AGAP1: variants seen among roughly 807,000 people sequenced by gnomAD.
AGAP1 encodes the protein ArfGAP with GTPase domain, ankyrin repeat and PH domain 1.
AGAP1 carries 29 observed loss-of-function variants against 105.3 expected under a neutral mutation model. The ratio of observed to expected loss-of-function variants is 0.28; its 90% CI spans 0.21 to 0.38. The LOEUF is 0.38. Ranked by LOEUF, AGAP1 falls within the 10% of genes least tolerant of loss-of-function variation. AGAP1 has a pLI of 1.00. For synonymous variants in AGAP1, 509 were observed against 485.9 expected, an observed-to-expected ratio of 1.05 and a Z score of -0.63; for missense variants, 998 against 1,165.1, an observed-to-expected ratio of 0.86 and a Z score of 2.09.
At chr2:235,587,946 G>A (rs961878009) in intron 1 of AGAP1, among the ~76,000 whole-genome samples, 2 of 151,022 alleles carry the variant, frequency 1.3e-5, no homozygotes, top group African/African-American at 2.4e-5. Context: ...ATGCTCATTT[G>A]TGGCCGGGTG....
At chr2:235,978,987 A>G (rs2054974886) in intron 13 of AGAP1, among the ~76,000 whole-genome samples, 1 of 152,092 alleles carries the variant, frequency 6.6e-6, no homozygotes, top group Non-Finnish European at 1.5e-5. Flanking sequence ...GGGCTCTGTT[A>G]TAAGGGGACA....
chr2:235,821,382 A>AT (rs200107062), intron 9 of AGAP1, among the ~76,000 whole-genome samples: 31,929 of 133,784 alleles, frequency 0.24, 4,632 homozygotes, highest in Admixed American at 0.38. Flanking sequence ...CAGAACTTCA[A>AT]TTTTTTTTTT....
intron 3 of AGAP1, among the ~76,000 whole-genome samples, chr2:235,718,546 T>C (rs1311211025): frequency 2.0e-5 from 3 of 152,212 alleles, no homozygotes; most frequent in Non-Finnish European, 2.9e-5. Context: ...CATTCCACCC[T>C]GTTTTGTCCC....
rs1947326050 is a variant in AGAP1 at position 235,644,969 on chromosome 2, C to T, written c.164-64210C>T. Among the ~76,000 whole-genome samples, 4 of 151,686 alleles carry T rather than the reference C, an allele frequency of 2.6e-5. No individual in the cohort carries two copies. In the South Asian group the frequency reaches 8.3e-4, roughly 32 times the overall value. On this transcript the variant is annotated intron_variant, in intron 1 of 17. Transcript: ENST00000304032. Reference sequence around the variant, plus strand: ...GGAGTGCAATGGCGCGATCTGGGCTCACTGCAACCTCCGCCTCCCAGGTTC... The same window carrying T: ...GGAGTGCAATGGCGCGATCTGGGCTTACTGCAACCTCCGCCTCCCAGGTTC...
chr2:235,708,822 C>T (rs10211205), intron 1 of AGAP1, among the ~76,000 whole-genome samples: 36,729 of 152,116 alleles, frequency 0.24, 5,309 homozygotes, highest in East Asian at 0.42. Flanking sequence ...GGTGTGTCCT[C>T]AAATATCTCC....
chr2:235,966,450 A>G (rs1227148004), intron 12 of AGAP1, among the ~76,000 whole-genome samples: 3 of 152,072 alleles, frequency 2.0e-5, no homozygotes, highest in Admixed American at 6.5e-5. Context: ...TCTGCCATTG[A>G]TGTTACCTCT....
chr2:235,645,302 G>A (rs1178251780), intron 1 of AGAP1, among the ~76,000 whole-genome samples: 2 of 152,150 alleles, frequency 1.3e-5, no homozygotes, highest in Admixed American at 6.5e-5. Context: ...ATGAAGAGGT[G>A]GGCTCACATA....
rs1205869501 is a variant in AGAP1, at chr2:235,635,977, G to A, written c.164-73202G>A. Among the ~76,000 whole-genome samples, 1 of 151,980 alleles carries A rather than the reference G, an allele frequency of 6.6e-6. No individual in the cohort carries two copies. The highest frequency in any genetic ancestry group is 6.6e-5 in the Admixed American group (1 of 15,246). On this transcript the variant is annotated intron_variant, in intron 1 of 17. Transcript: ENST00000304032. The surrounding 1 kb of genome is among the most constrained non-coding windows in gnomAD (Gnocchi z 5.3). ...AAACTACAAAAATGAGCTGGGCATG[G>A]GGGTGCATGCCTGTAATCCCAGCTA... is the stretch of plus-strand genomic sequence containing the variant.
Position 236,085,315 on chromosome 2 carries a change from TAG to T in AGAP1, c.2115-34875_2115-34874del, listed in dbSNP as rs562780451. ...AGAAGGGGTGGTAGGGGGGCAGTGT[TAG>T]ATTCTTTCTGGAGCACTAGGGTGCA... On this transcript the variant is annotated intron_variant, in intron 16 of 17. Transcript: ENST00000304032. Among the ~76,000 whole-genome samples, 772 of 152,222 alleles carry T rather than the reference TAG, an allele frequency of 5.1e-3. 6 individuals carry two copies. Among genetic ancestry groups the T allele is most frequent in the African/African-American group, 0.018 (731 of 41,538 alleles).
At chr2:236,112,251 A>G (rs1347655818) in intron 16 of AGAP1, among the ~76,000 whole-genome samples, 2 of 152,106 alleles carry the variant, frequency 1.3e-5, no homozygotes, top group African/African-American at 4.8e-5. Context: ...GCCCATCTCT[A>G]CTAAAAATAC....
Position 236,124,211 on chromosome 2 carries a change from C to T in AGAP1, c.*89C>T, listed in dbSNP as rs192198970. On this transcript the variant is annotated 3_prime_UTR_variant, in exon 18 of 18. Transcript: ENST00000304032. The surrounding 1 kb of genome is among the most constrained non-coding windows in gnomAD (Gnocchi z 5.1). ...AGAAGTCGCAGCACGTGAGTCCCGT[C>T]GCATCCCCTCCCTCTTCCTGGTGGC... 3.6e-6 allele frequency: 5 copies of T among 1,392,368 alleles called. No individual in the cohort carries two copies. The highest frequency in any genetic ancestry group is 2.9e-5 in the African/African-American group (2 of 70,040). 86.3% of individuals were successfully genotyped at this position (1,392,368 alleles called of 1,614,324 possible). A position where few individuals can be genotyped will look rare whatever the true frequency, so the allele number is the denominator to read the frequency against.
rs1338948515 is a variant in AGAP1 at position 236,073,978 on chromosome 2, G to A, written c.2114+24697G>A. Among the ~76,000 whole-genome samples the A allele has an allele frequency of 2.6e-5, 4 of 152,178 alleles. No homozygotes were observed. The highest frequency in any genetic ancestry group is 1.5e-5 in the Non-Finnish European group (1 of 68,020). On this transcript the variant is annotated intron_variant, in intron 16 of 17. Coordinates refer to ENST00000304032, the MANE Select transcript of AGAP1 (RefSeq NM_001037131.3). This position sits in a 1 kb window ranked among gnomAD's most constrained non-coding sequence, Gnocchi z 5.4. ...TGCCAAGGTCTCCTCCAGGAGCACA[G>A]GTTCTCACCTGGGGCTGATCTGCCC...
chr2:235,721,618 T>C lies in AGAP1; in HGVS notation c.310+3974T>C, dbSNP rs969740994. On this transcript the variant is annotated intron_variant, in intron 3 of 17. Coordinates refer to ENST00000304032, the MANE Select transcript of AGAP1 (RefSeq NM_001037131.3). The surrounding 1 kb of genome is among the most constrained non-coding windows in gnomAD (Gnocchi z 4.5). ...TGTATTCTCATAGTTCTCAGAAGTC[T>C]GAAATCAAGGTGTTGACGGGGTTGG... is the stretch of plus-strand genomic sequence containing the variant. 1.8e-4 allele frequency among the ~76,000 whole-genome samples: 27 copies of C among 152,214 alleles called. No homozygotes were observed. Among genetic ancestry groups the C allele is most frequent in the African/African-American group, 6.0e-4 (25 of 41,446 alleles).
rs1419060030 is a variant in AGAP1 at position 235,983,491 on chromosome 2, C to T, written c.1645+14868C>T. ...TTTTTCTTCTTTTCCCATCCATAAC[C>T]TCATCATTGTCTTTTTCTCCCTTTC... On this transcript the variant is annotated intron_variant, in intron 13 of 17. Transcript: ENST00000304032. This position sits in a 1 kb window ranked among gnomAD's most constrained non-coding sequence, Gnocchi z 4.5. 6.6e-6 allele frequency among the ~76,000 whole-genome samples: 1 copy of T among 152,070 alleles called. No individual in the cohort carries two copies. The highest frequency in any genetic ancestry group is 1.5e-5 in the Non-Finnish European group (1 of 68,030).
intron 1 of AGAP1, among the ~76,000 whole-genome samples, chr2:235,589,071 C>T (rs1001315395): frequency 4.6e-5 from 7 of 152,090 alleles, no homozygotes; most frequent in African/African-American, 1.7e-4. Context: ...CTCTGGGAGG[C>T]CCTGAAATGC....
At chr2:235,539,073 A>G (rs1385055845) in intron 1 of AGAP1, among the ~76,000 whole-genome samples, 1 of 152,182 alleles carries the variant, frequency 6.6e-6, no homozygotes, top group Non-Finnish European at 1.5e-5. Flanking sequence ...AGGGTGAGAA[A>G]GAGAACCCGT....
intron 5 of AGAP1, among the ~76,000 whole-genome samples, chr2:235,745,632 A>G (rs1952868412): frequency 6.6e-6 from 1 of 152,254 alleles, no homozygotes; most frequent in East Asian, 1.9e-4. Context: ...TGTTGTGGCT[A>G]TGAATAGACT....
intron 16 of AGAP1, among the ~76,000 whole-genome samples, chr2:236,052,832 T>C (rs1559229454): frequency 6.6e-6 from 1 of 152,190 alleles, no homozygotes; most frequent in Non-Finnish European, 1.5e-5. Context: ...AGAGCAATGC[T>C]ACAACAATTA....
Position 235,551,679 on chromosome 2 carries a change from G to C in AGAP1, c.163+56830G>C, listed in dbSNP as rs1167666163. On this transcript the variant is annotated intron_variant, in intron 1 of 17. Transcript: ENST00000304032. This position sits in a 1 kb window ranked among gnomAD's most constrained non-coding sequence, Gnocchi z 4.8. ...CCAAGGCACGTGGCAGGTGGGTGCT[G>C]TTTCTTTCCTGCAGGATGTTTGCTG... Among the ~76,000 whole-genome samples the C allele has an allele frequency of 2.6e-5, 4 of 152,248 alleles. No homozygotes were observed. Among genetic ancestry groups the C allele is most frequent in the African/African-American group, 7.2e-5 (3 of 41,472 alleles).
Sources: allele counts gnomAD v4.1 joint callset (sites outside exome capture counted in the v4.1 genomes callset), GRCh38; gene constraint gnomAD v4.1.1; non-coding constraint Gnocchi (gnomAD v3.1); transcripts MANE v1.5; gene names NCBI Gene and HGNC (gene_info 2026-07-23, HGNC 2026-07-21).